CPA6: variants seen among roughly 807,000 people sequenced by gnomAD.
CPA6 encodes the protein carboxypeptidase A6.
CPA6 carries 58 observed loss-of-function variants against 63.3 expected under a neutral mutation model. That is an observed-to-expected ratio of 0.92 (90% confidence interval 0.74 to 1.14). The LOEUF (loss-of-function observed/expected upper bound fraction) is 1.14, where lower values mean the gene tolerates loss of function less well. CPA6 is among the 50% of genes most tolerant of loss of function. The pLI, the probability that CPA6 is intolerant of heterozygous loss-of-function variation, is 0.00. For synonymous variants in CPA6, 185 were observed against 179.0 expected (o/e 1.03, Z -0.27); for missense variants, 565 against 526.6 (o/e 1.07, Z -0.71).
chr8:67,432,661 A>G (rs1473001536), intron 9 of CPA6, among the ~76,000 whole-genome samples: 1 of 152,100 alleles, frequency 6.6e-6, no homozygotes, highest in Non-Finnish European at 1.5e-5. Flanking sequence ...TGGGCATCTC[A>G]CCATGTTGTG....
In CPA6 at chr8:67,546,038, G is replaced by T. The variant is rs534107250; in HGVS notation, c.193-27991C>A. On this transcript the variant is annotated intron_variant, in intron 2 of 10. Coordinates refer to ENST00000297770, the MANE Select transcript of CPA6 (RefSeq NM_020361.5). Reference sequence around the variant, plus strand: ...CATCCCCCTCTGCCTCCATCCCCTGGCAGGATGGGTTTCTTTGCTGGAAGG... The same window carrying T: ...CATCCCCCTCTGCCTCCATCCCCTGTCAGGATGGGTTTCTTTGCTGGAAGG... Among the ~76,000 whole-genome samples, 3 of 152,170 alleles carry T rather than the reference G, an allele frequency of 2.0e-5. No homozygotes were observed. In the East Asian group the frequency reaches 5.8e-4, roughly 29 times the overall value.
At chr8:67,441,808 A>C (rs1810299678) in intron 8 of CPA6, among the ~76,000 whole-genome samples, 1 of 152,166 alleles carries the variant, frequency 6.6e-6, no homozygotes, top group Admixed American at 6.5e-5. Flanking sequence ...TAAGGAAGAA[A>C]AAAATATAAA....
At position 67,517,075 on chromosome 8, in the gene CPA6, C is replaced by T. The variant is rs552242256; in HGVS notation, c.317+848G>A. Reference sequence around the variant, plus strand: ...GCCTCCCAAAGTCTGGGATTCCAGGCGTGAGCCACCGCACCCGGCCCCACC... The same window carrying T: ...GCCTCCCAAAGTCTGGGATTCCAGGTGTGAGCCACCGCACCCGGCCCCACC... On this transcript the variant is annotated intron_variant, in intron 3 of 10. Transcript: ENST00000297770. Among the ~76,000 whole-genome samples the T allele has an allele frequency of 1.1e-4, 17 of 152,152 alleles. No homozygotes were observed. In the South Asian group the frequency reaches 2.1e-3, roughly 19 times the overall value.
chr8:67,730,922 G>A (rs962997074), intron 1 of CPA6, among the ~76,000 whole-genome samples: 5 of 152,076 alleles, frequency 3.3e-5, no homozygotes, highest in Non-Finnish European at 7.4e-5. Flanking sequence ...ATGTTCAAGG[G>A]CACAAAATTC....
chr8:67,695,006 T>C (rs1442850922), intron 1 of CPA6, among the ~76,000 whole-genome samples: 2 of 152,038 alleles, frequency 1.3e-5, no homozygotes, highest in Admixed American at 6.6e-5. Flanking sequence ...GATATGGGGA[T>C]AGACCTCTCT....
chr8:67,740,082 T>C (rs1299600955), intron 1 of CPA6, among the ~76,000 whole-genome samples: 2 of 152,104 alleles, frequency 1.3e-5, no homozygotes, highest in Non-Finnish European at 2.9e-5. Flanking sequence ...GATGCAAACA[T>C]TGTGAAGAAT....
intron 1 of CPA6, among the ~76,000 whole-genome samples, chr8:67,745,705 C>T (rs779812676): frequency 1.1e-4 from 16 of 152,258 alleles, no homozygotes; most frequent in Middle Eastern, 3.4e-3. Context: ...CCCCAAGCAT[C>T]AACCAAGGCA....
At chr8:67,509,072 A>G (rs1375265512) in intron 5 of CPA6, among the ~76,000 whole-genome samples, 4 of 152,120 alleles carry the variant, frequency 2.6e-5, no homozygotes, top group Admixed American at 6.6e-5. Context: ...ACACTTTTAA[A>G]CAACCAGATC....
chr8:67,511,544 T>C lies in CPA6; in HGVS notation c.429A>G (p.Glu143=). 6.4e-7 allele frequency: 1 copy of C among 1,557,744 alleles called. No homozygotes were observed. Among genetic ancestry groups the C allele is most frequent in the Admixed American group, 1.7e-5 (1 of 59,666 alleles). The change falls in exon 4 of 11, where the codon GAA becomes GAG. Residue 143 remains glutamate (E), a synonymous_variant. Coordinates refer to ENST00000297770, the MANE Select transcript of CPA6 (RefSeq NM_020361.5). The part of the protein sequence containing the change: ...GYNYEVYHSL[E]EIQNWMHHLN... ...AAAAGCTCTTTTGATTACATACTTC[T>C]TCTAAGGAGTGATAAACTTCATAAT... is the stretch of plus-strand genomic sequence containing the variant.
At chr8:67,560,831 C>T (rs1442817118) in intron 2 of CPA6, among the ~76,000 whole-genome samples, 2 of 152,144 alleles carry the variant, frequency 1.3e-5, no homozygotes, top group African/African-American at 4.8e-5. Context: ...TCTTTATGCT[C>T]TCCCCTGCTT....
intron 8 of CPA6, among the ~76,000 whole-genome samples, chr8:67,473,279 T>G (rs562305883): frequency 6.6e-6 from 1 of 152,130 alleles, no homozygotes; most frequent in African/African-American, 2.4e-5. Flanking sequence ...GACAGAGGAG[T>G]GCTGAAAGGG....
chr8:67,700,754 A>G (rs2128998656), intron 1 of CPA6, among the ~76,000 whole-genome samples: 1 of 152,290 alleles, frequency 6.6e-6, no homozygotes, highest in East Asian at 1.9e-4. Context: ...ATTTTGCTTC[A>G]GGGGAGTTGC....
chr8:67,733,361 G>A (rs995096215), intron 1 of CPA6, among the ~76,000 whole-genome samples: 2 of 152,064 alleles, frequency 1.3e-5, no homozygotes, highest in Admixed American at 6.5e-5. Flanking sequence ...TGGTGCTGAT[G>A]TTGCTGGTCT....
intron 1 of CPA6, among the ~76,000 whole-genome samples, chr8:67,722,612 A>G (rs1442389850): frequency 2.0e-5 from 3 of 152,170 alleles, no homozygotes; most frequent in Admixed American, 6.5e-5. Flanking sequence ...ATACTAATTT[A>G]TAAACTTGGA....
intron 1 of CPA6, among the ~76,000 whole-genome samples, chr8:67,669,803 A>T (rs1816304302): frequency 6.6e-6 from 1 of 151,962 alleles, no homozygotes; most frequent in Non-Finnish European, 1.5e-5. Context: ...GACAAAAAAA[A>T]AAACAACCCC....
intron 2 of CPA6, among the ~76,000 whole-genome samples, chr8:67,527,144 CT>C (rs1410740822): frequency 6.6e-6 from 1 of 152,172 alleles, no homozygotes; most frequent in Non-Finnish European, 1.5e-5. Context: ...CCTCTACTGT[CT>C]TTTGATGACT....
chr8:67,550,054 A>G (rs547583840), intron 2 of CPA6, among the ~76,000 whole-genome samples: 3 of 152,124 alleles, frequency 2.0e-5, no homozygotes, highest in African/African-American at 7.2e-5. Flanking sequence ...TTCTTTTTCA[A>G]CTTTTTAGAT....
intron 1 of CPA6, among the ~76,000 whole-genome samples, chr8:67,733,468 G>GAGTC (rs1290737428): frequency 1.5e-4 from 23 of 151,982 alleles, no homozygotes; most frequent in African/African-American, 5.3e-4. Context: ...ACATAATCAG[G>GAGTC]AGTCTCACTT....
chr8:67,430,895 T>C (rs1479681088), intron 9 of CPA6, among the ~76,000 whole-genome samples: 1 of 152,036 alleles, frequency 6.6e-6, no homozygotes, highest in Non-Finnish European at 1.5e-5. Context: ...AGGGTCTCAC[T>C]CTGTCACCCA....
Sources: allele counts gnomAD v4.1 joint callset (sites outside exome capture counted in the v4.1 genomes callset), GRCh38; gene constraint gnomAD v4.1.1; transcripts MANE v1.5; gene names NCBI Gene and HGNC (gene_info 2026-07-23, HGNC 2026-07-21).